The following ZNF138 variants were observed in gnomAD, a reference collection of about 807,000 sequenced individuals.
ZNF138 encodes zinc finger protein 138 (clone pHZ-32).
ZNF138 carries 33 observed loss-of-function variants against 33.0 expected under a neutral mutation model. The observed-to-expected ratio is 1.00, with a 90% CI of 0.76 to 1.34. The LOEUF (loss-of-function observed/expected upper bound fraction) is 1.34. Among genes scored for constraint, ZNF138 ranks in the 40% most tolerant of loss-of-function variants. The pLI, the probability that ZNF138 is intolerant of heterozygous loss-of-function variation, is 0.00. For missense variants in ZNF138, 360 were observed against 370.8 expected, an observed-to-expected ratio of 0.97 and a Z score of 0.24; for synonymous variants, 139 against 120.4, an observed-to-expected ratio of 1.15 and a Z score of -1.01.
At chr7:64,823,297 T>A (rs965024699) in intron 3 of ZNF138, among the ~76,000 whole-genome samples, 3 of 152,184 alleles carry the variant, frequency 2.0e-5, no homozygotes, top group African/African-American at 7.2e-5. Flanking sequence ...TTATTCAGTT[T>A]TGGTCAGAAA....
the ZNF138 span, among the ~76,000 whole-genome samples, chr7:64,851,378 G>C: frequency 6.6e-6 from 1 of 151,992 alleles, no homozygotes; most frequent in Non-Finnish European, 1.5e-5. Context: ...TTAAGTTTGG[G>C]CTGCAATGTT....
At chr7:64,801,554 A>G (rs901672989) in intron 1 of ZNF138, among the ~76,000 whole-genome samples, 2 of 152,092 alleles carry the variant, frequency 1.3e-5, no homozygotes, top group Non-Finnish European at 1.5e-5. Context: ...GATGTTTGAA[A>G]TTGCTGAGGA....
At chr7:64,804,594 C>T (rs575748683) in intron 1 of ZNF138, among the ~76,000 whole-genome samples, 15 of 152,162 alleles carry the variant, frequency 9.9e-5, no homozygotes, top group Non-Finnish European at 1.8e-4. Context: ...CCAGCCTGGC[C>T]AACATGGTGA....
intron 1 of ZNF138, among the ~76,000 whole-genome samples, chr7:64,801,993 G>GACC (rs2128986710): frequency 6.6e-6 from 1 of 152,304 alleles, no homozygotes; most frequent in Non-Finnish European, 1.5e-5. Context: ...AAATATGAGT[G>GACC]ACCATGGCCT....
intron 3 of ZNF138, among the ~76,000 whole-genome samples, chr7:64,826,576 T>C (rs1789634335): frequency 6.6e-6 from 1 of 152,102 alleles, no homozygotes; most frequent in Non-Finnish European, 1.5e-5. Flanking sequence ...CCACCCAGCC[T>C]GGCCTTAATT....
rs201665901 is a variant in ZNF138 at position 64,812,849 on chromosome 7, C to G, written c.4-2069C>G. Among the ~76,000 whole-genome samples the G allele has an allele frequency of 7.6e-5, 4 of 52,794 alleles. 1 individual carries two copies. The highest frequency in any genetic ancestry group is 7.0e-5 in the Non-Finnish European group (2 of 28,462). 34.6% of individuals were successfully genotyped at this position (52,794 alleles called of 152,430 possible). A position where few individuals can be genotyped will look rare whatever the true frequency, so the allele number is the denominator to read the frequency against. ...AGAAGGAGAAAGGGGAAAAAAATTG[C>G]CTTTTTTTTTTTTTTTTTTAGCTTA... On this transcript the variant is annotated intron_variant, in intron 1 of 3. Transcript: ENST00000307355.
At chr7:64,839,746 C>G in the ZNF138 span, among the ~76,000 whole-genome samples, 2 of 152,102 alleles carry the variant, frequency 1.3e-5, no homozygotes, top group African/African-American at 4.8e-5. Flanking sequence ...CTGATCCGAC[C>G]AGGAGGGGAG....
chr7:64,808,481 A>C (rs11770219), intron 1 of ZNF138, among the ~76,000 whole-genome samples: 41,818 of 147,600 alleles, frequency 0.28, 7,052 homozygotes, highest in Middle Eastern at 0.37. Context: ...AGATGTGGGC[A>C]AAAAAAGTGT....
intron 1 of ZNF138, among the ~76,000 whole-genome samples, chr7:64,808,555 C>T (rs926677841): frequency 3.3e-5 from 5 of 150,800 alleles, no homozygotes; most frequent in African/African-American, 7.3e-5. Flanking sequence ...TATTTATGGA[C>T]ACAACAGTTG....
intron 3 of ZNF138, among the ~76,000 whole-genome samples, chr7:64,818,112 T>C (rs936158588): frequency 7.4e-5 from 11 of 148,486 alleles, no homozygotes; most frequent in Non-Finnish European, 1.5e-4. Context: ...GCCTCCCAAG[T>C]AGCTGGGATA....
intron 1 of ZNF138, among the ~76,000 whole-genome samples, chr7:64,796,353 C>T (rs1337307646): frequency 6.6e-6 from 1 of 152,138 alleles, no homozygotes; most frequent in Non-Finnish European, 1.5e-5. Flanking sequence ...GGGAGAATCT[C>T]TCAAGTGATT....
chr7:64,800,020 A>G (rs1787017444), intron 1 of ZNF138, among the ~76,000 whole-genome samples: 1 of 152,146 alleles, frequency 6.6e-6, no homozygotes, highest in South Asian at 2.1e-4. Flanking sequence ...ATTTTTGTAC[A>G]TTTATTTTGT....
intron 1 of ZNF138, among the ~76,000 whole-genome samples, chr7:64,799,013 T>C (rs1786924743): frequency 6.6e-6 from 1 of 152,100 alleles, no homozygotes; most frequent in Admixed American, 6.5e-5. Context: ...TTGCTTAGAA[T>C]TGCCTTGGCT....
rs1439380469 is a variant in ZNF138 at position 64,831,467 on chromosome 7, T to C, written c.225T>C (p.Phe75=). 6.4e-7 allele frequency: 1 copy of C among 1,557,034 alleles called. No individual in the cohort carries two copies. The highest frequency in any genetic ancestry group is 8.6e-7 in the Non-Finnish European group (1 of 1,157,300). Residue 75 remains phenylalanine, a synonymous_variant, in exon 4 of 4, where the codon TTT becomes TTC. Transcript: ENST00000307355. Reference sequence around the variant, plus strand: ...TTCTTTCAGCTCTGTGTTCTCGTTTTGCCCAAGACCTTTGGCTAGAGCAGA... The same window carrying C: ...TTCTTTCAGCTCTGTGTTCTCGTTTCGCCCAAGACCTTTGGCTAGAGCAGA... ...VAKHSALCSR[F]AQDLWLEQNI...
intron 1 of ZNF138, among the ~76,000 whole-genome samples, chr7:64,811,021 C>T (rs1010425251): frequency 2.6e-5 from 4 of 152,012 alleles, no homozygotes; most frequent in African/African-American, 9.7e-5. Flanking sequence ...CTCTGCAAGT[C>T]AGAAAAAAGT....
chr7:64,824,490 T>C (rs1226299464), intron 3 of ZNF138, among the ~76,000 whole-genome samples: 1 of 152,204 alleles, frequency 6.6e-6, no homozygotes, highest in Non-Finnish European at 1.5e-5. Context: ...TAATGTTGTC[T>C]AAGTTTTCTG....
At position 64,832,154 on chromosome 7, in the gene ZNF138, G is replaced by T. The variant is rs1169559879; in HGVS notation, c.912G>T (p.Glu304Asp). 1.2e-6 allele frequency: 2 copies of T among 1,611,522 alleles called. No individual in the cohort carries two copies. Among genetic ancestry groups the T allele is most frequent in the African/African-American group, 2.7e-5 (2 of 74,910 alleles). Residue 304 changes from glutamate to aspartate, a missense_variant, in exon 4 of 4, where the codon GAG (glutamate) becomes GAT (aspartate). Glu to Asp is a conservative substitution (Grantham distance 45). Transcript: ENST00000307355. Reference protein sequence around the residue: ...LTKHQIIYTGEEPYKCEECGK... With the variant: ...LTKHQIIYTGDEPYKCEECGK... ...AACATCAGATAATTTATACTGGAGA[G>T]GAACCATACAAATGTGAGGAATGTG...
chr7:64,823,893 G>A (rs181091885), intron 3 of ZNF138, among the ~76,000 whole-genome samples: 3 of 152,252 alleles, frequency 2.0e-5, no homozygotes, highest in Non-Finnish European at 2.9e-5. Context: ...AGCTGAGATC[G>A]TGCCACTGCA....
chr7:64,839,217 G>A, the ZNF138 span, among the ~76,000 whole-genome samples: 13 of 152,208 alleles, frequency 8.5e-5, no homozygotes, highest in South Asian at 2.1e-4. Flanking sequence ...GGTATATTGC[G>A]GCCAGGCAAC....
Sources: gnomAD v4.1 joint callset for allele counts (sites outside exome capture counted in the v4.1 genomes callset) on GRCh38, gnomAD v4.1.1 for gene constraint, MANE v1.5 for transcripts, NCBI Gene and HGNC (gene_info 2026-07-23, HGNC 2026-07-21) for gene names.